Variants in SLC2A1 observed in about 807,000 individuals in gnomAD.
The protein encoded by SLC2A1 is solute carrier family 2 member 1, also known as solute carrier family 2, facilitated glucose transporter member 1.
A neutral mutation model predicts 46.6 loss-of-function variants in SLC2A1; 4 were observed. The observed-to-expected ratio is 0.09, with a 90% CI of 0.04 to 0.20. The LOEUF (loss-of-function observed/expected upper bound fraction) is 0.20. Among genes scored for constraint, SLC2A1 ranks in the 10% least tolerant of loss-of-function variants. SLC2A1 has a pLI of 1.00. For synonymous variants in SLC2A1, 253 were observed against 270.0 expected (o/e 0.94, Z 0.62); for missense variants, 352 against 667.0 (o/e 0.53, Z 5.20).
At position 42,958,543 on chromosome 1, in the gene SLC2A1, C is replaced by T. The variant is rs1643806384; in HGVS notation, c.18+91G>A. ...GGCCCGCCCCGGGCGCACAGCGCAG[C>T]GGGGCGGCGGGGGAGGCCCTGGCCG... On this transcript the variant is annotated intron_variant, in intron 1 of 9. Coordinates refer to ENST00000426263, the MANE Select transcript of SLC2A1 (RefSeq NM_006516.4). 2.7e-6 allele frequency: 3 copies of T among 1,130,268 alleles called. No individual in the cohort carries two copies. In the South Asian group the frequency reaches 5.6e-5, roughly 21 times the overall value. 70.0% of individuals were successfully genotyped at this position (1,130,268 alleles called of 1,614,324 possible).
At position 42,925,523 on chromosome 1, in the gene SLC2A1, T is replaced by G. The variant is rs1036950008; in HGVS notation, c.*1518A>C. 3 of 152,394 alleles carry G rather than the reference T, an allele frequency of 2.0e-5. No homozygotes were observed. Among genetic ancestry groups the G allele is most frequent in the Admixed American group, 2.0e-4 (3 of 15,278 alleles). 9.4% of individuals were successfully genotyped at this position (152,394 alleles called of 1,614,324 possible). A position where few individuals can be genotyped will look rare whatever the true frequency, so the allele number is the denominator to read the frequency against. ...GACTAGTGGCAGAAAACTGGACTTG[T>G]GATGAAGGAGCAGATGAAGTGCTCT... On this transcript the variant is annotated 3_prime_UTR_variant, in exon 10 of 10. Coordinates refer to ENST00000426263, the MANE Select transcript of SLC2A1 (RefSeq NM_006516.4).
chr1:42,953,161 G>GCTGA (rs1416068121), intron 1 of SLC2A1, among the ~76,000 whole-genome samples: 1 of 152,232 alleles, frequency 6.6e-6, no homozygotes, highest in Non-Finnish European at 1.5e-5. Flanking sequence ...AGTAGCCAAA[G>GCTGA]GCTCCATCAG....
In SLC2A1 at chr1:42,946,785, G is replaced by A. The variant is rs1041087937; in HGVS notation, c.19-3464C>T. Reference sequence around the variant, plus strand: ...CTCCTCAGTAGGCACAAGACACTGCGACCAATCTCAGATTCATGCTGCCAC... The same window carrying A: ...CTCCTCAGTAGGCACAAGACACTGCAACCAATCTCAGATTCATGCTGCCAC... On this transcript the variant is annotated intron_variant, in intron 1 of 9. Coordinates refer to ENST00000426263, the MANE Select transcript of SLC2A1 (RefSeq NM_006516.4). Among the ~76,000 whole-genome samples, 3 of 152,130 alleles carry A rather than the reference G, an allele frequency of 2.0e-5. No individual in the cohort carries two copies. In the South Asian group the frequency reaches 6.2e-4, roughly 31 times the overall value.
Position 42,926,596 on chromosome 1 carries a change from C to T in SLC2A1, c.*445G>A. ...CAGCAGAACGGGTGGCCATAGCCAC[C>T]TCCTGGGATAGAAGCTTTGTAGTTC... On this transcript the variant is annotated 3_prime_UTR_variant, in exon 10 of 10. Transcript: ENST00000426263. The T allele has an allele frequency of 2.3e-6, 2 of 867,168 alleles. No homozygotes were observed. Among genetic ancestry groups the T allele is most frequent in the Non-Finnish European group, 3.2e-6 (2 of 630,754 alleles). 53.7% of individuals were successfully genotyped at this position (867,168 alleles called of 1,614,324 possible).
Position 42,931,224 on chromosome 1 carries a change from G to C in SLC2A1, c.115-18C>G, listed in dbSNP as rs759204909. ...TCGATCACCTGCAGGGGGAGATGCA[G>C]CCTGGGTGAGCAAGCCAGGGGCCAG... On this transcript the variant is annotated intron_variant, in intron 2 of 9. Coordinates refer to ENST00000426263, the MANE Select transcript of SLC2A1 (RefSeq NM_006516.4). The C allele has an allele frequency of 6.8e-6, 11 of 1,611,874 alleles. No homozygotes were observed. Among genetic ancestry groups the C allele is most frequent in the Non-Finnish European group, 8.5e-7 (1 of 1,178,368 alleles).
rs1057521400 is a variant in SLC2A1 at position 42,927,659 on chromosome 1, G to A, written c.1224C>T (p.Gly408=). The A allele has an allele frequency of 4.3e-6, 7 of 1,614,214 alleles. No homozygotes were observed. The highest frequency in any genetic ancestry group is 5.9e-6 in the Non-Finnish European group (7 of 1,180,040). Residue 408 remains glycine, a synonymous_variant, in exon 9 of 10, where the codon GGC becomes GGT. Transcript: ENST00000426263. This position sits in a 1 kb window ranked among gnomAD's most constrained non-coding sequence, Gnocchi z 5.3. Reference sequence around the variant, plus strand: ...TGAAATTTGAGGTCCAGTTGGAGAAGCCTGCAACGGCAATGGCAGCTGGAC... The same window carrying A: ...TGAAATTTGAGGTCCAGTTGGAGAAACCTGCAACGGCAATGGCAGCTGGAC... ...GPRPAAIAVA[G]FSNWTSNFIV...
Position 42,929,715 on chromosome 1 carries a change from G to A in SLC2A1, c.745C>T (p.Arg249Trp), listed in dbSNP as rs796053250. ...ACCTTCTTCTCCCGCATCATCTGCC[G>A]ACTCTCTTCCTTCATCTCCTGCAGG... The part of the protein sequence containing the change: ...HDLQEMKEES[R>W]QMMREKKVTI... Residue 249 changes from arginine to tryptophan, a missense_variant, in exon 6 of 10, where the codon CGG becomes TGG. By Grantham distance (101) the Arg-to-Trp change is moderately radical. Coordinates refer to ENST00000426263, the MANE Select transcript of SLC2A1 (RefSeq NM_006516.4). The surrounding 1 kb of genome is among the most constrained non-coding windows in gnomAD (Gnocchi z 6.0). 5.6e-6 allele frequency: 9 copies of A among 1,613,892 alleles called. No individual in the cohort carries two copies. The highest frequency in any genetic ancestry group is 7.6e-6 in the Non-Finnish European group (9 of 1,180,012).
At chr1:42,939,567 G>T (rs931697302) in intron 2 of SLC2A1, among the ~76,000 whole-genome samples, 1 of 152,222 alleles carries the variant, frequency 6.6e-6, no homozygotes, top group Non-Finnish European at 1.5e-5. Flanking sequence ...TTCCATGACA[G>T]TTATAACCTC....
At chr1:42,951,372 T>C (rs1218575704) in intron 1 of SLC2A1, among the ~76,000 whole-genome samples, 1 of 151,946 alleles carries the variant, frequency 6.6e-6, no homozygotes, top group Non-Finnish European at 1.5e-5. Context: ...AAAAAAGCAA[T>C]AGGATGTACA....
intron 1 of SLC2A1, among the ~76,000 whole-genome samples, chr1:42,953,619 A>T (rs1301606228): frequency 6.6e-6 from 1 of 152,192 alleles, no homozygotes; most frequent in Non-Finnish European, 1.5e-5. Context: ...AACACTGCAC[A>T]CTTTCCTCTT....
intron 2 of SLC2A1, among the ~76,000 whole-genome samples, chr1:42,940,008 TC>T: frequency 7.3e-6 from 1 of 137,202 alleles, no homozygotes; most frequent in African/African-American, 2.7e-5. Flanking sequence ...AGGCAGCCCC[TC>T]CCTTCTGCTC....
Position 42,943,618 on chromosome 1 carries a change from T to C in SLC2A1, c.19-297A>G, listed in dbSNP as rs571719604. Among the ~76,000 whole-genome samples the C allele has an allele frequency of 3.3e-5, 5 of 152,208 alleles. No individual in the cohort carries two copies. The South Asian group carries it at 1.0e-3, about 32-fold the overall frequency. On this transcript the variant is annotated intron_variant, in intron 1 of 9. Transcript: ENST00000426263. ...GCTTTGGATTCTTGGGGGTCTCATT[T>C]CCCTGGTGGAGCCATGCCTAGGGTC...
rs144389023 is a variant in SLC2A1, at chr1:42,927,633, A to G, written c.1250T>C (p.Ile417Thr). The change falls in exon 9 of 10, where the codon ATT becomes ACT. Residue 417 changes from isoleucine (I) to threonine (T), a missense_variant. Ile to Thr is a moderately conservative substitution (Grantham distance 89). Around this residue, in one of 5 missense-constraint regions of SLC2A1, gnomAD observed 35 missense variants for 107.2 expected, o/e 0.33. Transcript: ENST00000426263. This position sits in a 1 kb window ranked among gnomAD's most constrained non-coding sequence, Gnocchi z 5.3. ...CACATACTGGAAGCACATGCCCACA[A>G]TGAAATTTGAGGTCCAGTTGGAGAA... ...AGFSNWTSNFIVGMCFQYVEQ... is the reference protein window; with the variant it reads ...AGFSNWTSNFTVGMCFQYVEQ... The G allele has an allele frequency of 3.3e-5, 54 of 1,614,000 alleles. No homozygotes were observed. The highest frequency in any genetic ancestry group is 1.7e-4 in the Middle Eastern group (1 of 6,054).
Position 42,954,245 on chromosome 1 carries a change from G to A in SLC2A1, c.18+4389C>T, listed in dbSNP as rs971193894. On this transcript the variant is annotated intron_variant, in intron 1 of 9. Coordinates refer to ENST00000426263, the MANE Select transcript of SLC2A1 (RefSeq NM_006516.4). The surrounding 1 kb of genome is among the most constrained non-coding windows in gnomAD (Gnocchi z 4.2). ...AAAAAAAAACACAGCTAGGCCAGGC[G>A]CGGTGGCTCACACCTGTAATCCCAG... Among the ~76,000 whole-genome samples the A allele has an allele frequency of 2.6e-5, 4 of 152,074 alleles. No individual in the cohort carries two copies. The highest frequency in any genetic ancestry group is 4.1e-4 in the South Asian group (2 of 4,830).
Position 42,927,387 on chromosome 1 carries a change from C to T in SLC2A1, c.1279-146G>A. ...GGATGCTATCATAATTAACTGAGAC[C>T]ACGCTTGTACCTAGAATGTAACAGG... On this transcript the variant is annotated intron_variant, in intron 9 of 9. Coordinates refer to ENST00000426263, the MANE Select transcript of SLC2A1 (RefSeq NM_006516.4). This position sits in a 1 kb window ranked among gnomAD's most constrained non-coding sequence, Gnocchi z 5.3. The T allele has an allele frequency of 1.2e-6, 1 of 862,130 alleles. No homozygotes were observed. The highest frequency in any genetic ancestry group is 2.6e-5 in the East Asian group (1 of 37,904). 53.4% of individuals were successfully genotyped at this position (862,130 alleles called of 1,614,324 possible).
intron 1 of SLC2A1, among the ~76,000 whole-genome samples, chr1:42,944,128 T>G (rs1384300389): frequency 1.3e-5 from 2 of 152,092 alleles, no homozygotes; most frequent in Admixed American, 1.3e-4. Flanking sequence ...TTTGGAAAAG[T>G]GCACAAGGTG....
At chr1:42,936,575 C>T (rs1485955001) in intron 2 of SLC2A1, among the ~76,000 whole-genome samples, 1 of 152,124 alleles carries the variant, frequency 6.6e-6, no homozygotes, top group Non-Finnish European at 1.5e-5. Flanking sequence ...GGGCCCCAAC[C>T]CCCCTGCAGA....
At chr1:42,928,475 C>T (rs796422587) in intron 8 of SLC2A1, among the ~76,000 whole-genome samples, 7 of 152,268 alleles carry the variant, frequency 4.6e-5, no homozygotes, top group African/African-American at 1.7e-4. Flanking sequence ...TGACAAGTTA[C>T]TAACCTCACT....
At chr1:42,958,247 C>T (rs1418672525) in intron 1 of SLC2A1, among the ~76,000 whole-genome samples, 2 of 151,434 alleles carry the variant, frequency 1.3e-5, no homozygotes, top group African/African-American at 2.4e-5. Context: ...CGCTCGGGCC[C>T]CCTCCCCCGC....
Sources: allele counts gnomAD v4.1 joint callset (sites outside exome capture counted in the v4.1 genomes callset), GRCh38; gene constraint gnomAD v4.1.1; regional missense constraint gnomAD v4.1.1; non-coding constraint Gnocchi (gnomAD v3.1); transcripts MANE v1.5; gene names NCBI Gene and HGNC (gene_info 2026-07-23, HGNC 2026-07-21).